The following CLNK variants were observed in gnomAD, a reference collection of about 807,000 sequenced individuals.
The protein encoded by CLNK is cytokine-dependent hematopoietic cell linker.
Under a neutral mutation model 68.6 loss-of-function variants are expected in CLNK, and 74 were observed. The observed-to-expected ratio is 1.08, with a 90% confidence interval of 0.89 to 1.31. The LOEUF is 1.31. Ranked by LOEUF, CLNK falls within the 50% of genes most tolerant of loss-of-function variation. The pLI is 0.00. For synonymous variants in CLNK, 198 were observed against 172.2 expected, an observed-to-expected ratio of 1.15 and a Z score of -1.17; for missense variants, 553 against 515.3, an observed-to-expected ratio of 1.07 and a Z score of -0.71.
At chr4:10,703,883 T>C in the CLNK span, among the ~76,000 whole-genome samples, 2 of 152,344 alleles carry the variant, frequency 1.3e-5, no homozygotes, top group African/African-American at 4.8e-5. Context: ...ACCACTGTTG[T>C]ATATGCAGTC....
intron 18 of CLNK, among the ~76,000 whole-genome samples, chr4:10,494,630 C>T (rs775166115): frequency 3.3e-5 from 5 of 151,964 alleles, no homozygotes; most frequent in African/African-American, 4.8e-5. Context: ...GCTAACTTTT[C>T]GTGTTTTTAG....
chr4:10,532,083 G>T, intron 12 of CLNK, 173 bp downstream of exon 12: 2 of 671,586 alleles, frequency 3.0e-6, no homozygotes, highest in South Asian at 3.3e-5. Flanking sequence ...CTGGAGCTAA[G>T]CTTGTTTTAC....
chr4:10,635,707 T>G (rs1481469800), intron 2 of CLNK: 1 of 152,150 alleles, frequency 6.6e-6, no homozygotes, highest in Non-Finnish European at 1.5e-5. Flanking sequence ...TCTCATGAAT[T>G]AAATGGGTTG....
chr4:10,659,556 T>C (rs1560266937), intron 2 of CLNK, among the ~76,000 whole-genome samples: 1 of 152,234 alleles, frequency 6.6e-6, no homozygotes. Flanking sequence ...TATTTGACTT[T>C]ATCATCTCCT....
chr4:10,610,169 G>C (rs1319073685), intron 2 of CLNK, among the ~76,000 whole-genome samples: 6 of 146,590 alleles, frequency 4.1e-5, no homozygotes, highest in African/African-American at 1.5e-4. Context: ...CCATTCTCCT[G>C]CCTCAGCCTC....
At chr4:10,567,131 G>GA (rs61037076) in intron 5 of CLNK, among the ~76,000 whole-genome samples, 17,009 of 110,186 alleles carry the variant, frequency 0.15, 1,201 homozygotes, top group African/African-American at 0.18. Flanking sequence ...ACAATCTTGG[G>GA]AAAAAAAAAA....
At position 10,566,065 on chromosome 4, in the gene CLNK, G is replaced by T. The variant is rs758713018; in HGVS notation, c.236C>A (p.Thr79Lys). ...TGGTAAAATTTTAATCGACTGCCATGTCTCTTCCATCCGAAGCTCAGGGTC... is the reference window on the plus strand; with the variant it reads ...TGGTAAAATTTTAATCGACTGCCATTTCTCTTCCATCCGAAGCTCAGGGTC... ...YDDPELRMEE[T>K]WQSIKILPAR... The change falls in exon 6 of 19, where the codon ACA becomes AAA. Residue 79 changes from threonine to lysine, a missense_variant. Thr to Lys is a moderately conservative substitution (Grantham distance 78). Coordinates refer to ENST00000226951, the MANE Select transcript of CLNK (RefSeq NM_052964.4). 6.2e-7 allele frequency: 1 copy of T among 1,613,752 alleles called. No individual in the cohort carries two copies. The highest frequency in any genetic ancestry group is 1.3e-5 in the African/African-American group (1 of 74,882).
rs1398128315 is a variant in CLNK at position 10,491,377 on chromosome 4, G to A, written c.1141-764C>T. Among the ~76,000 whole-genome samples the A allele has an allele frequency of 5.7e-5, 4 of 70,292 alleles. No homozygotes were observed. The East Asian group carries it at 9.5e-4, about 17-fold the overall frequency. 46.1% of individuals were successfully genotyped at this position (70,292 alleles called of 152,430 possible). ...AAATATAGAAGATGTAGGCTCGAAT[G>A]TAGTAAATTGGTGGGCAATGCCTGC... On this transcript the variant is annotated intron_variant, in intron 18 of 18. Transcript: ENST00000226951.
the CLNK span, among the ~76,000 whole-genome samples, chr4:10,711,564 T>C: frequency 6.6e-6 from 1 of 151,766 alleles, no homozygotes; most frequent in Non-Finnish European, 1.5e-5. Flanking sequence ...TTTAGCCCAA[T>C]TAAAACTGGA....
the CLNK span, among the ~76,000 whole-genome samples, chr4:10,720,587 A>G: frequency 1.3e-5 from 2 of 151,284 alleles, no homozygotes; most frequent in South Asian, 2.1e-4. Flanking sequence ...CAAAACGTGT[A>G]CCATTTACTT....
Position 10,488,404 on chromosome 4 carries a change from A to G in CLNK, c.*2063T>C, listed in dbSNP as rs544045204. ...CCAATAGCTTTTTAGGGTGAGGGTC[A>G]GATTCCTTCTTAATGTGAGCCTGGA... is the stretch of plus-strand genomic sequence containing the variant. On this transcript the variant is annotated 3_prime_UTR_variant, in exon 19 of 19. Transcript: ENST00000226951. 2 of 152,338 alleles carry G rather than the reference A, an allele frequency of 1.3e-5. No individual in the cohort carries two copies. Among genetic ancestry groups the G allele is most frequent in the East Asian group, 1.9e-4 (1 of 5,190 alleles). 9.4% of individuals were successfully genotyped at this position (152,338 alleles called of 1,614,324 possible).
At chr4:10,588,776 C>G (rs1244069964) in intron 3 of CLNK, among the ~76,000 whole-genome samples, 1 of 151,914 alleles carries the variant, frequency 6.6e-6, no homozygotes. Flanking sequence ...CTAAAATAGT[C>G]AAACTCATAG....
chr4:10,575,141 C>T (rs976345113), intron 4 of CLNK, among the ~76,000 whole-genome samples: 4 of 152,186 alleles, frequency 2.6e-5, no homozygotes, highest in Non-Finnish European at 4.4e-5. Flanking sequence ...CAGTCTCTCC[C>T]GTACTGCACT....
At chr4:10,681,450 C>T (rs1349365639) in intron 1 of CLNK, among the ~76,000 whole-genome samples, 1 of 152,170 alleles carries the variant, frequency 6.6e-6, no homozygotes, top group Non-Finnish European at 1.5e-5. Flanking sequence ...GAACCTACCA[C>T]TGTTAAAGAT....
In CLNK at chr4:10,511,145, CG is replaced by C. The variant is rs575668948; in HGVS notation, c.906+2318del. Among the ~76,000 whole-genome samples, 8 of 151,390 alleles carry C rather than the reference CG, an allele frequency of 5.3e-5. No individual in the cohort carries two copies. In the East Asian group the frequency reaches 1.6e-3, roughly 29 times the overall value. On this transcript the variant is annotated intron_variant, in intron 16 of 18. Coordinates refer to ENST00000226951, the MANE Select transcript of CLNK (RefSeq NM_052964.4). ...GGCACTCCAGCCTGGGCAAAAAGAG[CG>C]GAAACTCTGTCTCAAAAAAAATTAA...
chr4:10,641,790 T>C (rs1357012273), intron 2 of CLNK, among the ~76,000 whole-genome samples: 3 of 152,162 alleles, frequency 2.0e-5, no homozygotes, highest in African/African-American at 7.2e-5. Flanking sequence ...TTCTCACGTA[T>C]TGTGGGAGGG....
In CLNK at chr4:10,595,539, G is replaced by A. The variant is rs143726521; in HGVS notation, c.83+2439C>T. ...CTCCCAGGCCGTATCATCCAAGTGG[G>A]GCCCAGCACTCAGCTTGGTGTTTTA... On this transcript the variant is annotated intron_variant, in intron 3 of 18. Coordinates refer to ENST00000226951, the MANE Select transcript of CLNK (RefSeq NM_052964.4). Among the ~76,000 whole-genome samples, 12 of 152,198 alleles carry A rather than the reference G, an allele frequency of 7.9e-5. No homozygotes were observed. In the East Asian group the frequency reaches 2.1e-3, roughly 27 times the overall value.
intron 6 of CLNK, among the ~76,000 whole-genome samples, chr4:10,565,204 C>CAGGAT (rs1720058406): frequency 1.3e-5 from 2 of 152,158 alleles, no homozygotes; most frequent in African/African-American, 2.4e-5. Context: ...GGGTATGGAT[C>CAGGAT]CTGCATTGTT....
At chr4:10,700,388 T>C in the CLNK span, among the ~76,000 whole-genome samples, 1 of 152,158 alleles carries the variant, frequency 6.6e-6, no homozygotes, top group Admixed American at 6.5e-5. Flanking sequence ...AAGCCAAATA[T>C]ATATCCAGGC....
Sources: gnomAD v4.1 joint callset for allele counts (sites outside exome capture counted in the v4.1 genomes callset) on GRCh38, gnomAD v4.1.1 for gene constraint, MANE v1.5 for transcripts, NCBI Gene and HGNC (gene_info 2026-07-23, HGNC 2026-07-21) for gene names.